TET2: variants seen among roughly 807,000 people sequenced by gnomAD.
TET2 encodes methylcytosine dioxygenase TET2.
A neutral mutation model predicts 142.9 loss-of-function variants in TET2; 299 were observed. The observed-to-expected ratio is 2.09, with a 90% CI of 1.90 to 2.30. The LOEUF (loss-of-function observed/expected upper bound fraction) is 2.30. Among genes scored for constraint, TET2 ranks in the 30% most tolerant of loss-of-function variants. The probability of loss-of-function intolerance (pLI) is 0.00; values close to 1 mark genes in which losing one functional copy is unlikely to be tolerated. For synonymous variants in TET2, 819 were observed against 849.0 expected (o/e 0.96, Z 0.61); for missense variants, 2,418 against 2,378.0 (o/e 1.02, Z -0.35).
rs1730850140 is a variant in TET2 at position 105,269,611 on chromosome 4, T to C, written c.4046T>C (p.Ile1349Thr). 1 of 1,551,404 alleles carries C rather than the reference T, an allele frequency of 6.4e-7. No individual in the cohort carries two copies. Among genetic ancestry groups the C allele is most frequent in the Non-Finnish European group, 8.7e-7 (1 of 1,146,796 alleles). The change falls in exon 9 of 11, where the codon ATT (isoleucine) becomes ACT (threonine). Residue 1349 changes from isoleucine (I) to threonine (T), a missense_variant and splice_region_variant. Transcript: ENST00000380013. Reference sequence around the variant, plus strand: ...TTCACACACACTTTTATTTTTCAGATTGAATATGAACACAGAGCACCAGAG... The same window carrying C: ...TTCACACACACTTTTATTTTTCAGACTGAATATGAACACAGAGCACCAGAG... ...KLAPDAYNNQ[I>T]EYEHRAPECR...
At chr4:105,232,872 T>C (rs1423096204) in intron 2 of TET2, among the ~76,000 whole-genome samples, 1 of 152,206 alleles carries the variant, frequency 6.6e-6, no homozygotes, top group Non-Finnish European at 1.5e-5. Flanking sequence ...CCCTATTCTG[T>C]CACCTGGAAT....
chr4:105,183,808 A>G (rs2110459907), intron 1 of TET2, among the ~76,000 whole-genome samples: 1 of 152,312 alleles, frequency 6.6e-6, no homozygotes, highest in South Asian at 2.1e-4. Context: ...TTGTGTGAAG[A>G]AAAAGAAAAT....
intron 1 of TET2, among the ~76,000 whole-genome samples, chr4:105,164,812 G>T (rs1724068839): frequency 6.6e-6 from 1 of 152,266 alleles, no homozygotes; most frequent in South Asian, 2.1e-4. Context: ...CTGAAGATTG[G>T]CTCAAGGGGG....
chr4:105,202,502 T>A (rs2110516032), intron 2 of TET2: 1 of 152,324 alleles, frequency 6.6e-6, no homozygotes, highest in East Asian at 1.9e-4. Flanking sequence ...GCAAATTTAT[T>A]TTTTGATCTT....
At chr4:105,222,302 A>G (rs934916341) in intron 2 of TET2, among the ~76,000 whole-genome samples, 2 of 152,194 alleles carry the variant, frequency 1.3e-5, no homozygotes, top group African/African-American at 4.8e-5. Context: ...TGACTTCCAC[A>G]ATGGTTGAAC....
intron 2 of TET2, among the ~76,000 whole-genome samples, chr4:105,197,869 T>A (rs889568444): frequency 1.4e-4 from 22 of 152,206 alleles, no homozygotes; most frequent in Non-Finnish European, 3.2e-4. Context: ...TGTTTTTTAA[T>A]TTATATTTTA....
At chr4:105,168,689 G>A (rs1560720450) in intron 1 of TET2, among the ~76,000 whole-genome samples, 4 of 151,818 alleles carry the variant, frequency 2.6e-5, no homozygotes, top group East Asian at 1.9e-4. Context: ...CCTATCACCC[G>A]AGCAGTATAC....
chr4:105,236,639 TA>T lies in TET2; in HGVS notation c.2702del (p.Asn901IlefsTer20), dbSNP rs751193037. On this transcript the variant is annotated frameshift_variant, in exon 3 of 11. Coordinates refer to ENST00000380013, the MANE Select transcript of TET2 (RefSeq NM_001127208.3). LOFTEE classifies it high-confidence loss of function. Reference protein sequence around the residue: ...SQQASVLQGYKNRNQDMSGQQ... With the variant: ...SQQASVLQGYXNRNQDMSGQQ... ...AACAAGCTTCAGTTCTACAGGGATA[TA>T]AAAATAGAAACCAAGATATGTCTGG... The T allele has an allele frequency of 6.2e-7, 1 of 1,613,976 alleles. No homozygotes were observed. Among genetic ancestry groups the T allele is most frequent in the Non-Finnish European group, 8.5e-7 (1 of 1,179,970 alleles).
chr4:105,173,402 G>A (rs867178890), intron 1 of TET2, among the ~76,000 whole-genome samples: 9 of 151,742 alleles, frequency 5.9e-5, no homozygotes, highest in Non-Finnish European at 1.3e-4. Flanking sequence ...GCATGGTGGT[G>A]TGCTCCCGTA....
chr4:105,247,624 T>C (rs1242295379), intron 6 of TET2, among the ~76,000 whole-genome samples: 1 of 110,300 alleles, frequency 9.1e-6, no homozygotes, highest in Non-Finnish European at 1.8e-5. Context: ...ATTTGGCCGA[T>C]TTCATCTTGG....
At position 105,259,633 on chromosome 4, in the gene TET2, GTCAGGGGCT is replaced by G; in HGVS notation, c.3819_3827del (p.Cys1273_Leu1276delinsTrp). Reference sequence around the variant, plus strand: ...TGATTTTTCAGGAGAACTTGCGCCTGTCAGGGGCTGGATCCAGAAACCTGTGGTGCCTCC... The same window carrying G: ...TGATTTTTCAGGAGAACTTGCGCCTGGGATCCAGAAACCTGTGGTGCCTCC... On this transcript the variant is annotated inframe_deletion, in exon 7 of 11. Transcript: ENST00000380013. The G allele has an allele frequency of 6.4e-7, 1 of 1,550,928 alleles. No homozygotes were observed.
chr4:105,241,503 A>C, intron 4 of TET2, 74 bp downstream of exon 4: 1 of 1,502,248 alleles, frequency 6.7e-7, no homozygotes, highest in Non-Finnish European at 8.9e-7. Context: ...CAGCCTTCAC[A>C]CACAAAGCAG....
rs752426416 is a variant in TET2, at chr4:105,237,186, GAGCAGCAAA to G, written c.3245_3253del (p.Glu1082_Thr1085delinsAla). 6.2e-7 allele frequency: 1 copy of G among 1,614,090 alleles called. No individual in the cohort carries two copies. Among genetic ancestry groups the G allele is most frequent in the South Asian group, 1.1e-5 (1 of 91,088 alleles). ...ACTTGATAGCCACACCCCAGCTTTAGAGCAGCAAACAACTTCTTCAGAAAAGACACCAAC... is the reference window on the plus strand; with the variant it reads ...ACTTGATAGCCACACCCCAGCTTTAGCAACTTCTTCAGAAAAGACACCAAC... On this transcript the variant is annotated inframe_deletion, in exon 3 of 11. Coordinates refer to ENST00000380013, the MANE Select transcript of TET2 (RefSeq NM_001127208.3).
chr4:105,269,349 T>C (rs1025759062), intron 8 of TET2, among the ~76,000 whole-genome samples: 1 of 152,154 alleles, frequency 6.6e-6, no homozygotes, highest in Non-Finnish European at 1.5e-5. Context: ...TTAAGAGTAA[T>C]GAATATGTAC....
At chr4:105,239,898 T>C (rs375892801) in intron 3 of TET2, 144 of 240,526 alleles carry the variant, frequency 6.0e-4, no homozygotes, top group African/African-American at 2.8e-3. Flanking sequence ...GAGGCCACTG[T>C]AGGGTTATTA....
chr4:105,198,635 T>C (rs1246451925), intron 2 of TET2, among the ~76,000 whole-genome samples: 4 of 152,220 alleles, frequency 2.6e-5, no homozygotes, highest in Non-Finnish European at 5.9e-5. Context: ...TCAGAATGTT[T>C]ACAAAATTGC....
At chr4:105,253,865 G>A (rs1243142657) in intron 6 of TET2, among the ~76,000 whole-genome samples, 1 of 152,008 alleles carries the variant, frequency 6.6e-6, no homozygotes, top group Non-Finnish European at 1.5e-5. Flanking sequence ...TTACTGAGAG[G>A]CTTTTGAAAA....
chr4:105,204,187 G>C (rs1247662624), intron 2 of TET2, among the ~76,000 whole-genome samples: 1 of 146,246 alleles, frequency 6.8e-6, no homozygotes, highest in Non-Finnish European at 1.5e-5. Context: ...GACGGAGTGA[G>C]ACTCCGTCTC....
chr4:105,158,227 T>G (rs2110366386), intron 1 of TET2, among the ~76,000 whole-genome samples: 1 of 152,318 alleles, frequency 6.6e-6, no homozygotes. Context: ...TGAGTTTAAT[T>G]TACTACTGAC....
Sources: allele counts gnomAD v4.1 joint callset (sites outside exome capture counted in the v4.1 genomes callset), GRCh38; gene constraint gnomAD v4.1.1; transcripts MANE v1.5; gene names NCBI Gene and HGNC (gene_info 2026-07-23, HGNC 2026-07-21).